Variants in NRG3 observed in about 807,000 individuals in gnomAD.
NRG3 encodes pro-neuregulin-3, membrane-bound isoform.
A neutral mutation model predicts 66.9 loss-of-function variants in NRG3; 31 were observed. The observed-to-expected ratio is 0.46, with a 90% CI of 0.35 to 0.63. The LOEUF is 0.63. Among genes scored for constraint, NRG3 ranks in the 20% least tolerant of loss-of-function variants. The pLI is 0.00. For synonymous variants in NRG3, 393 were observed against 359.4 expected (o/e 1.09, Z -1.06); for missense variants, 910 against 878.9 (o/e 1.04, Z -0.45).
At chr10:82,672,228 A>G (rs2053338459) in intron 2 of NRG3, among the ~76,000 whole-genome samples, 1 of 152,166 alleles carries the variant, frequency 6.6e-6, no homozygotes, top group African/African-American at 2.4e-5. Flanking sequence ...GGGGACAGAA[A>G]GTGCAAAGGG....
intron 1 of NRG3, among the ~76,000 whole-genome samples, chr10:82,352,533 C>G (rs919482484): frequency 2.0e-5 from 3 of 152,192 alleles, no homozygotes; most frequent in Non-Finnish European, 4.4e-5. Flanking sequence ...AAAGCCTTTA[C>G]TGGGCAACAC....
chr10:82,180,183 G>T (rs1432354722), intron 1 of NRG3, among the ~76,000 whole-genome samples: 1 of 151,556 alleles, frequency 6.6e-6, no homozygotes, highest in Non-Finnish European at 1.5e-5. Context: ...ATAAGATCAT[G>T]TCATCTGTGA....
intron 4 of NRG3, among the ~76,000 whole-genome samples, chr10:82,892,288 A>C (rs1374408912): frequency 6.6e-6 from 1 of 152,172 alleles, no homozygotes; most frequent in African/African-American, 2.4e-5. Flanking sequence ...GTAGCCAAAA[A>C]AAAAGGCAAG....
At chr10:81,885,589 T>C (rs1444762263) in intron 1 of NRG3, among the ~76,000 whole-genome samples, 1 of 152,186 alleles carries the variant, frequency 6.6e-6, no homozygotes, top group Non-Finnish European at 1.5e-5. Context: ...AAAAATTCTC[T>C]TTTGGTTAAA....
rs75626399 is a variant in NRG3, at chr10:82,159,659, G to A, written c.824-199080G>A. On this transcript the variant is annotated intron_variant, in intron 1 of 8. Coordinates refer to ENST00000372141, the MANE Select transcript of NRG3 (RefSeq NM_001010848.4). The stretch of plus-strand genomic sequence containing the variant: ...TCTAAGAAATAGAAACCATGCCTTC[G>A]TTAGTTTTTTAGTCCCATAGCATCA... Among the ~76,000 whole-genome samples, 335 of 151,874 alleles carry A rather than the reference G, an allele frequency of 2.2e-3. 2 individuals carry two copies. Among genetic ancestry groups the A allele is most frequent in the Non-Finnish European group, 3.5e-3 (240 of 67,826 alleles).
At chr10:82,758,752 G>A (rs1007094853) in intron 3 of NRG3, among the ~76,000 whole-genome samples, 7 of 152,098 alleles carry the variant, frequency 4.6e-5, no homozygotes, top group Admixed American at 1.3e-4. Context: ...AACAGTAGAG[G>A]CACTTCTATA....
At chr10:82,473,046 T>C (rs965482139) in intron 2 of NRG3, among the ~76,000 whole-genome samples, 3 of 152,180 alleles carry the variant, frequency 2.0e-5, no homozygotes, top group African/African-American at 7.2e-5. Context: ...CATAACAATA[T>C]ACCAACTTCA....
At chr10:82,597,364 T>A (rs936631257) in intron 2 of NRG3, among the ~76,000 whole-genome samples, 4 of 152,192 alleles carry the variant, frequency 2.6e-5, no homozygotes, top group Non-Finnish European at 4.4e-5. Context: ...AACAGATAAT[T>A]ATTTCACGGC....
At chr10:82,107,527 G>A (rs772072725) in intron 1 of NRG3, among the ~76,000 whole-genome samples, 2 of 152,052 alleles carry the variant, frequency 1.3e-5, no homozygotes, top group Non-Finnish European at 2.9e-5. Flanking sequence ...AAATTTTACA[G>A]GTGGAAAAAC....
intron 2 of NRG3, among the ~76,000 whole-genome samples, chr10:82,592,011 T>G (rs947115344): frequency 1.3e-5 from 2 of 152,218 alleles, no homozygotes; most frequent in Non-Finnish European, 2.9e-5. Flanking sequence ...CTTTGTATTC[T>G]GAATGAATCC....
chr10:82,540,947 C>T (rs1590579267), intron 2 of NRG3, among the ~76,000 whole-genome samples: 1 of 152,152 alleles, frequency 6.6e-6, no homozygotes, highest in East Asian at 1.9e-4. Flanking sequence ...AAGGTGTGTC[C>T]TAATCCAATA....
chr10:81,957,990 A>C (rs1234348430), intron 1 of NRG3, among the ~76,000 whole-genome samples: 1 of 152,202 alleles, frequency 6.6e-6, no homozygotes, highest in African/African-American at 2.4e-5. Flanking sequence ...TAAGTCTCAT[A>C]GGGTGGCCTT....
chr10:82,412,842 C>A lies in NRG3; in HGVS notation c.953+53974C>A, dbSNP rs60189327. The stretch of plus-strand genomic sequence containing the variant: ...GTGTAGATTTCATCTAACAAACAAA[C>A]AAAAAAACACTTTCTTAGCTCTTCC... On this transcript the variant is annotated intron_variant, in intron 2 of 8. Transcript: ENST00000372141. Among the ~76,000 whole-genome samples the A allele has an allele frequency of 7.3e-3, 1,060 of 146,156 alleles. 13 individuals carry two copies. The highest frequency in any genetic ancestry group is 0.028 in the African/African-American group (1,020 of 36,102).
At chr10:81,952,432 G>A (rs535469272) in intron 1 of NRG3, among the ~76,000 whole-genome samples, 16 of 152,076 alleles carry the variant, frequency 1.1e-4, no homozygotes, top group African/African-American at 3.6e-4. Flanking sequence ...GAAAGAAGGC[G>A]GCAGGGGGGT....
chr10:82,560,702 T>G lies in NRG3; in HGVS notation c.954-177875T>G, dbSNP rs532318849. Among the ~76,000 whole-genome samples the G allele has an allele frequency of 2.6e-5, 4 of 151,456 alleles. No individual in the cohort carries two copies. In the East Asian group the frequency reaches 7.9e-4, roughly 30 times the overall value. ...CACTTCCATCTTATCCATATCATAATAGAAATGGCTTTAGTATTTTGGTTT... is the reference window on the plus strand; with the variant it reads ...CACTTCCATCTTATCCATATCATAAGAGAAATGGCTTTAGTATTTTGGTTT... On this transcript the variant is annotated intron_variant, in intron 2 of 8. Coordinates refer to ENST00000372141, the MANE Select transcript of NRG3 (RefSeq NM_001010848.4).
chr10:82,913,042 G>A (rs868553228), intron 4 of NRG3, among the ~76,000 whole-genome samples: 1 of 152,042 alleles, frequency 6.6e-6, no homozygotes, highest in Admixed American at 6.5e-5. Context: ...TGGCTAACAC[G>A]GTGAAACCCC....
chr10:82,241,912 C>T (rs2077022952), intron 1 of NRG3, among the ~76,000 whole-genome samples: 1 of 152,082 alleles, frequency 6.6e-6, no homozygotes, highest in South Asian at 2.1e-4. Context: ...TCTTTCTCAC[C>T]ATATGACTCT....
chr10:81,891,351 A>G (rs1475792632), intron 1 of NRG3, among the ~76,000 whole-genome samples: 7 of 152,188 alleles, frequency 4.6e-5, no homozygotes, highest in African/African-American at 1.7e-4. Context: ...AAGGTTTGGC[A>G]TGGACAGCAA....
chr10:82,103,008 A>G (rs2066852854), intron 1 of NRG3, among the ~76,000 whole-genome samples: 1 of 152,106 alleles, frequency 6.6e-6, no homozygotes, highest in African/African-American at 2.4e-5. Context: ...TTCCGTCAGC[A>G]TTTCTTTCAG....
Sources: allele counts gnomAD v4.1 joint callset (sites outside exome capture counted in the v4.1 genomes callset), GRCh38; gene constraint gnomAD v4.1.1; transcripts MANE v1.5; gene names NCBI Gene and HGNC (gene_info 2026-07-23, HGNC 2026-07-21).